Variants in PHF24 observed in about 807,000 individuals in gnomAD.
PHF24 encodes the protein PHD finger protein 24, also known as Galpha inhibitory interacting protein.
Under a neutral mutation model 42.6 loss-of-function variants are expected in PHF24, and 25 were observed. The ratio of observed to expected loss-of-function variants is 0.59; its 90% CI spans 0.43 to 0.82. The LOEUF is 0.82. Ranked by LOEUF, PHF24 falls within the 40% of genes least tolerant of loss-of-function variation. The pLI is 0.00. For missense variants in PHF24, 470 were observed against 538.1 expected, an observed-to-expected ratio of 0.87 and a Z score of 1.25; for synonymous variants, 185 against 204.8, an observed-to-expected ratio of 0.90 and a Z score of 0.83.
At chr9:34,706,961 G>A in the PHF24 span, among the ~76,000 whole-genome samples, 1 of 151,664 alleles carries the variant, frequency 6.6e-6, no homozygotes, top group African/African-American at 2.4e-5. Context: ...TTGCACTCCA[G>A]CCTGGACTAC....
the PHF24 span, chr9:34,917,329 A>G: frequency 2.0e-5 from 18 of 880,038 alleles, no homozygotes; most frequent in Non-Finnish European, 2.0e-5. Flanking sequence ...AGTGAGCCCA[A>G]GTGTGTGGAA....
chr9:34,832,101 A>C, the PHF24 span, among the ~76,000 whole-genome samples: 1 of 152,150 alleles, frequency 6.6e-6, no homozygotes, highest in Non-Finnish European at 1.5e-5. Context: ...GATAAGGAGC[A>C]GATGGGCAAC....
chr9:34,674,233 A>G, the PHF24 span, among the ~76,000 whole-genome samples: 4 of 152,240 alleles, frequency 2.6e-5, no homozygotes, highest in Non-Finnish European at 5.9e-5. Flanking sequence ...GTTTATAATG[A>G]GTGGAACACT....
the PHF24 span, among the ~76,000 whole-genome samples, chr9:34,916,550 C>T: frequency 6.6e-6 from 1 of 152,116 alleles, no homozygotes; most frequent in African/African-American, 2.4e-5. Flanking sequence ...GTGATGCCAG[C>T]AAAAACTTAA....
the PHF24 span, among the ~76,000 whole-genome samples, chr9:34,732,266 T>G: frequency 6.6e-6 from 1 of 152,194 alleles, no homozygotes; most frequent in Non-Finnish European, 1.5e-5. Flanking sequence ...CCAGCATTCA[T>G]TGTTACCTGT....
At chr9:34,767,477 C>T in the PHF24 span, among the ~76,000 whole-genome samples, 3 of 152,210 alleles carry the variant, frequency 2.0e-5, no homozygotes, top group Admixed American at 6.5e-5. Context: ...TAGCAATCAG[C>T]GAGACTCCGT....
the PHF24 span, chr9:34,917,153 G>A: frequency 2.0e-5 from 24 of 1,208,954 alleles, no homozygotes; most frequent in East Asian, 3.8e-4. Context: ...CCGTCTGCTC[G>A]GCACCCAGAA....
chr9:34,771,607 A>T, the PHF24 span, among the ~76,000 whole-genome samples: 1 of 151,812 alleles, frequency 6.6e-6, no homozygotes, highest in African/African-American at 2.4e-5. Context: ...GAACCAGGAA[A>T]TTTACATTTA....
chr9:34,745,109 A>T, the PHF24 span, among the ~76,000 whole-genome samples: 1 of 152,306 alleles, frequency 6.6e-6, no homozygotes, highest in Non-Finnish European at 1.5e-5. Context: ...CAGAGGAGGG[A>T]TTAGAGCAAG....
chr9:34,884,719 A>G, the PHF24 span, among the ~76,000 whole-genome samples: 1 of 152,194 alleles, frequency 6.6e-6, no homozygotes, highest in Non-Finnish European at 1.5e-5. Context: ...TTTTGAGCAG[A>G]GCAAGGAGTT....
chr9:34,729,566 A>G, the PHF24 span: 4 of 831,214 alleles, frequency 4.8e-6, no homozygotes, highest in East Asian at 1.1e-4. Flanking sequence ...CTGCATCACA[A>G]AGCCCTCCTG....
chr9:34,962,823 G>C (rs1341113570), intron 1 of PHF24, among the ~76,000 whole-genome samples: 2 of 152,208 alleles, frequency 1.3e-5, no homozygotes, highest in Non-Finnish European at 1.5e-5. Flanking sequence ...CAGGCCCTAA[G>C]AGGCTAAGCT....
chr9:34,767,366 G>A, the PHF24 span, among the ~76,000 whole-genome samples: 2 of 152,254 alleles, frequency 1.3e-5, no homozygotes, highest in Non-Finnish European at 1.5e-5. Flanking sequence ...CCCAGTTCGA[G>A]CTTCCAGGCT....
At chr9:34,681,417 A>G in the PHF24 span, 2 of 152,180 alleles carry the variant, frequency 1.3e-5, no homozygotes, top group South Asian at 2.1e-4. Context: ...TTAGAAGCAG[A>G]TGTTGCTATG....
chr9:34,866,267 CA>C, the PHF24 span, among the ~76,000 whole-genome samples: 2 of 152,198 alleles, frequency 1.3e-5, no homozygotes, highest in African/African-American at 2.4e-5. Flanking sequence ...AGCACTAAGG[CA>C]AGTTTCACAC....
At chr9:34,929,870 C>T in the PHF24 span, among the ~76,000 whole-genome samples, 1 of 152,206 alleles carries the variant, frequency 6.6e-6, no homozygotes, top group Non-Finnish European at 1.5e-5. Context: ...TTCTCCCTAA[C>T]ACTGTGGTCC....
At chr9:34,847,812 C>G in the PHF24 span, among the ~76,000 whole-genome samples, 151,276 of 151,988 alleles carry the variant, frequency 1, 75,289 homozygotes, top group Non-Finnish European at 1. Context: ...TAGCATGAAG[C>G]GTTGTTGAAT....
At chr9:34,803,847 C>T in the PHF24 span, among the ~76,000 whole-genome samples, 1 of 152,170 alleles carries the variant, frequency 6.6e-6, no homozygotes, top group Non-Finnish European at 1.5e-5. Flanking sequence ...TAATATGCAG[C>T]ATTAGTATGC....
chr9:34,849,601 CT>C, the PHF24 span, among the ~76,000 whole-genome samples: 1 of 151,726 alleles, frequency 6.6e-6, no homozygotes, highest in East Asian at 1.9e-4. Flanking sequence ...GTCCATTTAC[CT>C]TTAAAGTTAA....
Sources: gnomAD v4.1 joint callset for allele counts (sites outside exome capture counted in the v4.1 genomes callset) on GRCh38, gnomAD v4.1.1 for gene constraint, MANE v1.5 for transcripts, NCBI Gene and HGNC (gene_info 2026-07-23, HGNC 2026-07-21) for gene names.